CNNM1: variants seen among roughly 807,000 people sequenced by gnomAD.
CNNM1 encodes the protein cyclin and CBS domain divalent metal cation transport mediator 1, also known as metal transporter CNNM1.
A neutral mutation model predicts 78.8 loss-of-function variants in CNNM1; 44 were observed. That is an observed-to-expected ratio of 0.56 (90% CI 0.44 to 0.72). The LOEUF is 0.72. Among genes scored for constraint, CNNM1 ranks in the 30% least tolerant of loss-of-function variants. The pLI is 0.00. For synonymous variants in CNNM1, 584 were observed against 581.5 expected (o/e 1.00, Z -0.06); for missense variants, 1,101 against 1,292.2 (o/e 0.85, Z 2.27).
chr10:99,331,049 G>A, intron 1 of CNNM1, 89 bp downstream of exon 1: 1 of 1,305,626 alleles, frequency 7.7e-7, no homozygotes, highest in South Asian at 1.4e-5. Context: ...GGTACCCAAA[G>A]CAATTTCTCT....
intron 1 of CNNM1, among the ~76,000 whole-genome samples, chr10:99,334,249 C>T (rs2030061060): frequency 6.6e-6 from 1 of 152,230 alleles, no homozygotes; most frequent in Non-Finnish European, 1.5e-5. Context: ...GGTGGATGTT[C>T]TCAGGCTGCA....
chr10:99,362,121 A>T, intron 3 of CNNM1, 106 bp from the exon 4 acceptor site: 2 of 1,056,942 alleles, frequency 1.9e-6, no homozygotes, highest in Non-Finnish European at 2.7e-6. Flanking sequence ...AGGTACAGGC[A>T]CAGGGGTCCC....
chr10:99,369,526 C>T (rs542335083), intron 6 of CNNM1, among the ~76,000 whole-genome samples: 20 of 152,272 alleles, frequency 1.3e-4, no homozygotes, highest in African/African-American at 4.6e-4. Flanking sequence ...AGACCCTCAA[C>T]ATTTAAAAAA....
At position 99,331,725 on chromosome 10, in the gene CNNM1, G is replaced by C. The variant is rs575093575; in HGVS notation, c.1573+765G>C. On this transcript the variant is annotated intron_variant, in intron 1 of 10. Transcript: ENST00000356713. ...AAAGAGCAAGACCCTGTCTTTGCCC[G>C]GGGGGGAGGGAAGTACTCAGGTTGG... Among the ~76,000 whole-genome samples, 218 of 152,014 alleles carry C rather than the reference G, an allele frequency of 1.4e-3. 1 individual carries two copies. Among genetic ancestry groups the C allele is most frequent in the African/African-American group, 4.5e-3 (188 of 41,436 alleles).
intron 4 of CNNM1, 70 bp downstream of exon 4, chr10:99,362,466 C>A: frequency 6.8e-7 from 1 of 1,479,646 alleles, no homozygotes; most frequent in Non-Finnish European, 9.1e-7. Flanking sequence ...AATGGCCATG[C>A]CTCCGTCAGC....
At position 99,393,778 on chromosome 10, in the gene CNNM1, G is replaced by C. The variant is rs147270199; in HGVS notation, c.*2262G>C. The C allele has an allele frequency of 6.6e-6, 1 of 152,284 alleles. No individual in the cohort carries two copies. The highest frequency in any genetic ancestry group is 1.5e-5 in the Non-Finnish European group (1 of 68,108). The allele number at this position is 152,284 out of a possible 1,614,324, so 9.4% of individuals were successfully genotyped here. ...CCTCTTCCCCAACAACCCAGAGCAG[G>C]TGTTGCAGACAGGAGGGCCACAGCG... On this transcript the variant is annotated 3_prime_UTR_variant, in exon 11 of 11. Transcript: ENST00000356713.
At chr10:99,363,203 G>T (rs183818203) in intron 4 of CNNM1, among the ~76,000 whole-genome samples, 2 of 152,172 alleles carry the variant, frequency 1.3e-5, no homozygotes, top group Admixed American at 6.5e-5. Flanking sequence ...ACTTAGAAAT[G>T]GTCTCTTTGT....
chr10:99,377,909 A>G (rs2032025180), intron 7 of CNNM1, among the ~76,000 whole-genome samples: 1 of 150,868 alleles, frequency 6.6e-6, no homozygotes, highest in South Asian at 2.1e-4. Flanking sequence ...TGGGATTGGC[A>G]TTGCACAGGA....
intron 1 of CNNM1, among the ~76,000 whole-genome samples, chr10:99,354,983 A>C (rs1174759333): frequency 6.6e-6 from 1 of 152,138 alleles, no homozygotes; most frequent in Admixed American, 6.6e-5. Flanking sequence ...AAAAAATTAG[A>C]GACCATTCTT....
intron 10 of CNNM1, 106 bp downstream of exon 10, chr10:99,390,513 G>T: frequency 1.3e-6 from 1 of 786,832 alleles, no homozygotes; most frequent in Non-Finnish European, 2.2e-6. Flanking sequence ...ACTCCTCTTA[G>T]AAACCCTAAT....
chr10:99,376,990 T>TA, intron 6 of CNNM1, 65 bp from the exon 7 acceptor site: 2 of 866,124 alleles, frequency 2.3e-6, no homozygotes. Context: ...CCTGTCTCCC[T>TA]CCCTCCCCCT....
intron 1 of CNNM1, among the ~76,000 whole-genome samples, chr10:99,347,604 T>G (rs1024037152): frequency 2.5e-4 from 5 of 19,792 alleles, no homozygotes; most frequent in African/African-American, 9.4e-4. Flanking sequence ...CACACAAATG[T>G]TGCAATGGCT....
chr10:99,362,595 C>T (rs900345356), intron 4 of CNNM1, among the ~76,000 whole-genome samples, 199 bp downstream of exon 4: 14 of 152,174 alleles, frequency 9.2e-5, no homozygotes, highest in African/African-American at 3.4e-4. Flanking sequence ...GTGCTGGGAT[C>T]TTTGACATTT....
chr10:99,341,429 C>T (rs975754073), intron 1 of CNNM1, among the ~76,000 whole-genome samples: 2 of 152,006 alleles, frequency 1.3e-5, no homozygotes, highest in Non-Finnish European at 2.9e-5. Flanking sequence ...CTGAACCTGC[C>T]CTCCAGGAAC....
At chr10:99,356,193 T>C (rs865905633) in intron 1 of CNNM1, among the ~76,000 whole-genome samples, 3 of 152,066 alleles carry the variant, frequency 2.0e-5, no homozygotes, top group Non-Finnish European at 4.4e-5. Flanking sequence ...AGGTGGCTCA[T>C]GCCTGTAATC....
intron 1 of CNNM1, among the ~76,000 whole-genome samples, chr10:99,349,651 A>G (rs2134031138): frequency 6.6e-6 from 1 of 152,308 alleles, no homozygotes; most frequent in South Asian, 2.1e-4. Flanking sequence ...GCACATGTCA[A>G]GAGCAGTGTT....
chr10:99,383,160 A>G (rs188978319), intron 7 of CNNM1, among the ~76,000 whole-genome samples: 243 of 152,362 alleles, frequency 1.6e-3, no homozygotes, highest in African/African-American at 5.5e-3. Context: ...TTATAAGTAG[A>G]TTAAGACCAG....
chr10:99,356,623 AAAG>A (rs1467782291), intron 1 of CNNM1, among the ~76,000 whole-genome samples: 1 of 115,144 alleles, frequency 8.7e-6, no homozygotes, highest in Admixed American at 8.8e-5. Flanking sequence ...GAAAGAAAGA[AAAG>A]AAAAGAAAGA....
chr10:99,376,688 C>T (rs558498815), intron 6 of CNNM1, among the ~76,000 whole-genome samples: 53 of 152,322 alleles, frequency 3.5e-4, no homozygotes, highest in Non-Finnish European at 5.9e-4. Flanking sequence ...TCCTTGTGCA[C>T]CTAACCTGAA....
Sources: allele counts gnomAD v4.1 joint callset (sites outside exome capture counted in the v4.1 genomes callset), GRCh38; gene constraint gnomAD v4.1.1; transcripts MANE v1.5; gene names NCBI Gene and HGNC (gene_info 2026-07-23, HGNC 2026-07-21).